The following KAT2B variants were observed in gnomAD, a reference collection of about 807,000 sequenced individuals.
KAT2B encodes the protein histone acetyltransferase KAT2B.
Under a neutral mutation model 105.9 loss-of-function variants are expected in KAT2B, and 36 were observed. The ratio of observed to expected loss-of-function variants is 0.34; its 90% CI spans 0.26 to 0.45. The LOEUF (loss-of-function observed/expected upper bound fraction) is 0.45. Among genes scored for constraint, KAT2B ranks in the 20% least tolerant of loss-of-function variants. The pLI, the probability that KAT2B is intolerant of heterozygous loss-of-function variation, is 1.00. For missense variants in KAT2B, 820 were observed against 1,021.6 expected, an observed-to-expected ratio of 0.80 and a Z score of 2.69; for synonymous variants, 397 against 377.9, an observed-to-expected ratio of 1.05 and a Z score of -0.59.
At chr3:20,148,208 A>C (rs1270595056) in intron 15 of KAT2B, 35 bp from the exon 16 acceptor site, 1 of 1,574,620 alleles carries the variant, frequency 6.4e-7, no homozygotes. Flanking sequence ...GTAAAACTCT[A>C]ATCATTGCTC....
chr3:20,147,071 A>G (rs1213852546), intron 14 of KAT2B, among the ~76,000 whole-genome samples: 1 of 139,714 alleles, frequency 7.2e-6, no homozygotes, highest in Non-Finnish European at 1.5e-5. Flanking sequence ...AGTTGTTTTT[A>G]TAGGTCAAAA....
At chr3:20,126,177 A>G (rs1048930176) in intron 10 of KAT2B, 64 bp downstream of exon 10, 2 of 1,376,538 alleles carry the variant, frequency 1.5e-6, no homozygotes, top group Non-Finnish European at 2.0e-6. Context: ...AACTGCTTAG[A>G]TAGTGAAAGT....
intron 1 of KAT2B, among the ~76,000 whole-genome samples, chr3:20,057,465 A>G (rs1193558669): frequency 1.3e-5 from 2 of 152,182 alleles, no homozygotes; most frequent in Non-Finnish European, 2.9e-5. Flanking sequence ...TTTGGTGCCA[A>G]AACAACAGGC....
chr3:20,106,988 TATATATATATATATATATATATATATA>T (rs1244587805), intron 5 of KAT2B, among the ~76,000 whole-genome samples: 6 of 16,408 alleles, frequency 3.7e-4, no homozygotes, highest in East Asian at 3.2e-3. Flanking sequence ...TGTATATATA[TATATATATATATATATATATATATATA>T]TTTTTTTTTT....
At position 20,064,014 on chromosome 3, in the gene KAT2B, A is replaced by G. The variant is rs546866805; in HGVS notation, c.304-8319A>G. Among the ~76,000 whole-genome samples the G allele has an allele frequency of 1.1e-4, 17 of 152,288 alleles. No homozygotes were observed. The South Asian group carries it at 2.7e-3, about 24-fold the overall frequency. ...GAATGGTCTTGGCACACTTGTCAAA[A>G]TCATTTGACCATTATCTGTGAGGGT... On this transcript the variant is annotated intron_variant, in intron 1 of 17. Transcript: ENST00000263754.
chr3:20,045,168 C>T (rs1023188879), intron 1 of KAT2B, among the ~76,000 whole-genome samples: 3 of 152,006 alleles, frequency 2.0e-5, no homozygotes, highest in African/African-American at 7.2e-5. Context: ...GCATGCACCA[C>T]CATACTTGGC....
At chr3:20,049,913 A>G (rs964375395) in intron 1 of KAT2B, among the ~76,000 whole-genome samples, 2 of 152,116 alleles carry the variant, frequency 1.3e-5, no homozygotes, top group African/African-American at 4.8e-5. Flanking sequence ...AAAGTTTAGA[A>G]GTCCAGCTGG....
At chr3:20,078,232 G>C (rs1559304022) in intron 2 of KAT2B, among the ~76,000 whole-genome samples, 1 of 152,000 alleles carries the variant, frequency 6.6e-6, no homozygotes, top group Non-Finnish European at 1.5e-5. Flanking sequence ...TTTACGAGCA[G>C]GAAAGTAGGA....
intron 2 of KAT2B, among the ~76,000 whole-genome samples, chr3:20,086,161 A>G (rs77464022): frequency 0.11 from 16,238 of 152,124 alleles, 1,234 homozygotes; most frequent in East Asian, 0.42. Flanking sequence ...AGTCCCAGCT[A>G]TTTGGGAGAC....
At chr3:20,068,289 C>T (rs954234770) in intron 1 of KAT2B, among the ~76,000 whole-genome samples, 7 of 151,914 alleles carry the variant, frequency 4.6e-5, no homozygotes, top group Non-Finnish European at 8.8e-5. Context: ...AGCCACTGTG[C>T]TTGACCCTGT....
chr3:20,152,576 C>A lies in KAT2B; in HGVS notation c.*51C>A. On this transcript the variant is annotated 3_prime_UTR_variant, in exon 18 of 18. Coordinates refer to ENST00000263754, the MANE Select transcript of KAT2B (RefSeq NM_003884.5). ...AACTCACCAAGCAGTGTGCCTAAAGCAAGGTGGTTTAGTTTTTTACAAAGA... is the reference window on the plus strand; with the variant it reads ...AACTCACCAAGCAGTGTGCCTAAAGAAAGGTGGTTTAGTTTTTTACAAAGA... The A allele has an allele frequency of 6.9e-7, 1 of 1,442,434 alleles. No individual in the cohort carries two copies. Among genetic ancestry groups the A allele is most frequent in the Non-Finnish European group, 9.6e-7 (1 of 1,043,288 alleles). 89.4% of individuals were successfully genotyped at this position (1,442,434 alleles called of 1,614,324 possible).
chr3:20,052,115 C>T (rs1191830486), intron 1 of KAT2B, among the ~76,000 whole-genome samples: 2 of 152,202 alleles, frequency 1.3e-5, no homozygotes, highest in Non-Finnish European at 2.9e-5. Context: ...TGCCATGTAT[C>T]TCTGTATCTT....
intron 6 of KAT2B, 22 bp from the exon 7 acceptor site, chr3:20,114,860 T>C (rs997604094): frequency 1.1e-5 from 14 of 1,332,910 alleles, no homozygotes; most frequent in African/African-American, 4.4e-5. Flanking sequence ...TTTAATCTTA[T>C]TGCTATTACT....
chr3:20,147,670 T>TA (rs1439072187), intron 14 of KAT2B, among the ~76,000 whole-genome samples: 1 of 152,234 alleles, frequency 6.6e-6, no homozygotes, highest in African/African-American at 2.4e-5. Flanking sequence ...ACTTTCAGTT[T>TA]AAAAAATACA....
chr3:20,145,401 T>G (rs894409844), intron 13 of KAT2B, among the ~76,000 whole-genome samples: 3 of 152,200 alleles, frequency 2.0e-5, no homozygotes, highest in Non-Finnish European at 4.4e-5. Context: ...TACATATTCA[T>G]GCTGCAGTAT....
intron 5 of KAT2B, among the ~76,000 whole-genome samples, chr3:20,108,881 G>T (rs1699070509): frequency 6.6e-6 from 1 of 152,182 alleles, no homozygotes; most frequent in South Asian, 2.1e-4. Context: ...CTTTCTGAGA[G>T]TCTAATGCTT....
chr3:20,062,189 AAATATATATATTT>A lies in KAT2B; in HGVS notation c.304-10143_304-10131del, dbSNP rs1459922473. On this transcript the variant is annotated intron_variant, in intron 1 of 17. Transcript: ENST00000263754. Reference sequence around the variant, plus strand: ...TAATATATATAATATATAATATATAAAATATATATATTTTATATAAAATATATTATATATAAAA... The same window carrying A: ...TAATATATATAATATATAATATATAATATATAAAATATATTATATATAAAA... Among the ~76,000 whole-genome samples the A allele has an allele frequency of 4.8e-4, 25 of 52,492 alleles. 1 individual carries two copies. The highest frequency in any genetic ancestry group is 1.9e-3 in the African/African-American group (25 of 13,466). The allele number at this position is 52,492 out of a possible 152,430, so 34.4% of individuals were successfully genotyped here.
At chr3:20,149,384 T>C (rs1699829683) in intron 17 of KAT2B, among the ~76,000 whole-genome samples, 1 of 150,962 alleles carries the variant, frequency 6.6e-6, no homozygotes, top group South Asian at 2.1e-4. Flanking sequence ...AGGCCCCAGC[T>C]ACTTGGGAGG....
intron 1 of KAT2B, among the ~76,000 whole-genome samples, chr3:20,048,736 T>A (rs1451587882): frequency 6.6e-6 from 1 of 152,230 alleles, no homozygotes; most frequent in East Asian, 1.9e-4. Context: ...TTCCTACTCT[T>A]GCATGCTGCT....
Sources: gnomAD v4.1 joint callset for allele counts (sites outside exome capture counted in the v4.1 genomes callset) on GRCh38, gnomAD v4.1.1 for gene constraint, MANE v1.5 for transcripts, NCBI Gene and HGNC (gene_info 2026-07-23, HGNC 2026-07-21) for gene names.